FHAD1: variants seen among roughly 807,000 people sequenced by gnomAD.
FHAD1 encodes forkhead associated phosphopeptide binding domain 1, also known as forkhead-associated domain-containing protein 1.
In FHAD1, 146 loss-of-function variants were observed where a neutral mutation model predicts 191.3. The ratio of observed to expected loss-of-function variants is 0.76; its 90% CI spans 0.67 to 0.88. The LOEUF is 0.88. FHAD1 is among the 40% of genes least tolerant of loss of function. The pLI is 0.00. For missense variants in FHAD1, 1,635 were observed against 1,785.8 expected, an observed-to-expected ratio of 0.92 and a Z score of 1.52; for synonymous variants, 616 against 672.3, an observed-to-expected ratio of 0.92 and a Z score of 1.29.
chr1:15,324,696 C>A, intron 11 of FHAD1, 137 bp downstream of exon 11: 1 of 668,138 alleles, frequency 1.5e-6, no homozygotes, highest in Non-Finnish European at 2.7e-6. Flanking sequence ...ATCTCATGAG[C>A]AGAGGCTGTC....
At chr1:15,296,489 A>G (rs555573348) in intron 4 of FHAD1, 195 bp from the exon 5 acceptor site, 4 of 574,468 alleles carry the variant, frequency 7.0e-6, no homozygotes, top group Admixed American at 6.7e-5. Context: ...TTCTGACTGC[A>G]TGATCCGCCT....
rs1204261575 is a variant in FHAD1 at position 15,382,017 on chromosome 1, T to C, written c.4023-11T>C. The C allele has an allele frequency of 6.4e-7, 1 of 1,551,754 alleles. No homozygotes were observed. Among genetic ancestry groups the C allele is most frequent in the Non-Finnish European group, 8.7e-7 (1 of 1,146,980 alleles). ...AGGGAAAAACAGACGCCATCTCTCC[T>C]GTGCACCCAGGCGGAGCAAAGTGTC... On this transcript the variant is annotated splice_polypyrimidine_tract_variant and intron_variant, in intron 30 of 33. Coordinates refer to ENST00000688493, the MANE Select transcript of FHAD1 (RefSeq NM_001391957.1).
In FHAD1 at chr1:15,247,317, C is replaced by T. The variant is rs565560754; in HGVS notation, c.-93C>T. ...GCGGGAGCGCGGCCGGGAGGCTTCG[C>T]CCCGGAGCTGGCCCGACGCCTCCCG... On this transcript the variant is annotated 5_prime_UTR_variant, in exon 1 of 34. Coordinates refer to ENST00000688493, the MANE Select transcript of FHAD1 (RefSeq NM_001391957.1). 1.9e-4 allele frequency: 42 copies of T among 221,544 alleles called. No homozygotes were observed. Among genetic ancestry groups the T allele is most frequent in the Admixed American group, 1.4e-3 (24 of 17,758 alleles). The allele number at this position is 221,544 out of a possible 1,614,324, so 13.7% of individuals were successfully genotyped here.
intron 15 of FHAD1, among the ~76,000 whole-genome samples, chr1:15,339,992 A>G (rs996156460): frequency 2.0e-5 from 3 of 152,044 alleles, no homozygotes; most frequent in Non-Finnish European, 2.9e-5. Flanking sequence ...TGTGTTGCTA[A>G]TTTTTGTATT....
chr1:15,330,903 G>A (rs934600515), intron 14 of FHAD1, among the ~76,000 whole-genome samples: 3 of 152,176 alleles, frequency 2.0e-5, no homozygotes, highest in African/African-American at 4.8e-5. Context: ...CAACGTCCTG[G>A]AGGGTGGGCA....
chr1:15,383,647 C>A, intron 31 of FHAD1: 1 of 302,422 alleles, frequency 3.3e-6, no homozygotes, highest in East Asian at 8.1e-5. Flanking sequence ...GGAGCAGATC[C>A]CAAGGCTGGG....
intron 20 of FHAD1, among the ~76,000 whole-genome samples, chr1:15,355,349 G>A (rs1201035240): frequency 2.6e-5 from 4 of 152,174 alleles, no homozygotes; most frequent in Admixed American, 2.0e-4. Context: ...AGTACAGTCA[G>A]GCAGAGAGTT....
chr1:15,341,304 A>G (rs952104724), intron 15 of FHAD1, among the ~76,000 whole-genome samples: 2 of 152,228 alleles, frequency 1.3e-5, no homozygotes, highest in African/African-American at 4.8e-5. Flanking sequence ...TTTTTCAGAT[A>G]AGGACAATTT....
chr1:15,390,106 G>A (rs997040675), intron 32 of FHAD1, among the ~76,000 whole-genome samples: 1 of 152,112 alleles, frequency 6.6e-6, no homozygotes, highest in African/African-American at 2.4e-5. Flanking sequence ...AGCACTTTGG[G>A]AGGACGAGGC....
chr1:15,373,981 C>G (rs1200455672), intron 26 of FHAD1, among the ~76,000 whole-genome samples: 1 of 152,230 alleles, frequency 6.6e-6, no homozygotes, highest in Non-Finnish European at 1.5e-5. Flanking sequence ...AAAACATTCC[C>G]TTCACCACAG....
intron 23 of FHAD1, among the ~76,000 whole-genome samples, chr1:15,364,992 T>C (rs1387118439): frequency 6.6e-6 from 1 of 152,176 alleles, no homozygotes; most frequent in East Asian, 1.9e-4. Flanking sequence ...ACCATCACTG[T>C]CCCCCTGTTG....
At chr1:15,249,378 G>A (rs914684021) in intron 1 of FHAD1, among the ~76,000 whole-genome samples, 1 of 152,046 alleles carries the variant, frequency 6.6e-6, no homozygotes, top group Admixed American at 6.5e-5. Flanking sequence ...GACATTTCTC[G>A]AAAGTTGACT....
intron 16 of FHAD1, among the ~76,000 whole-genome samples, chr1:15,344,145 G>A (rs1056644397): frequency 3.9e-5 from 6 of 152,128 alleles, no homozygotes; most frequent in African/African-American, 4.8e-5. Context: ...TCTGATACTC[G>A]GATTGATGGA....
chr1:15,287,121 G>C (rs1232217964), intron 3 of FHAD1: 1 of 152,448 alleles, frequency 6.6e-6, no homozygotes, highest in East Asian at 1.9e-4. Context: ...CAGGGGCACA[G>C]TGGCTCAGCT....
In FHAD1 at chr1:15,366,203, T is replaced by C. The variant is rs185175265; in HGVS notation, c.3154+270T>C. 5.1e-4 allele frequency among the ~76,000 whole-genome samples: 73 copies of C among 142,732 alleles called. 1 individual carries two copies. The East Asian group carries it at 7.8e-3, about 15-fold the overall frequency. The allele number at this position is 142,732 out of a possible 152,430, so 93.6% of individuals were successfully genotyped here. A position where few individuals can be genotyped will look rare whatever the true frequency, so the allele number is the denominator to read the frequency against. ...CAGGAGGCTGAGGCAGAGGATTGCT[T>C]GAACCCAGGAGGTGGAGGTTGCAGT... On this transcript the variant is annotated intron_variant, in intron 24 of 33. Transcript: ENST00000688493.
At chr1:15,387,974 A>T (rs1287376929) in intron 31 of FHAD1, 77 bp from the exon 32 acceptor site, 1 of 725,672 alleles carries the variant, frequency 1.4e-6, no homozygotes, top group African/African-American at 1.8e-5. Flanking sequence ...GAAACCTCAG[A>T]GGCCTGTCCC....
intron 15 of FHAD1, among the ~76,000 whole-genome samples, chr1:15,341,420 C>T (rs1320815943): frequency 6.6e-6 from 1 of 152,208 alleles, no homozygotes; most frequent in Non-Finnish European, 1.5e-5. Context: ...TTACTGAACA[C>T]CTACTATGTG....
intron 33 of FHAD1, among the ~76,000 whole-genome samples, chr1:15,394,085 AAGGGTG>A (rs897109345): frequency 1.3e-5 from 2 of 152,104 alleles, no homozygotes; most frequent in African/African-American, 4.8e-5. Context: ...TTTTCATTCT[AAGGGTG>A]AGGCACGTGG....
intron 3 of FHAD1, among the ~76,000 whole-genome samples, chr1:15,284,639 T>C (rs1278915506): frequency 1.3e-5 from 2 of 152,138 alleles, no homozygotes; most frequent in Admixed American, 1.3e-4. Context: ...AGGGTGTCCT[T>C]CTCACCCTGA....
Sources: gnomAD v4.1 joint callset for allele counts (sites outside exome capture counted in the v4.1 genomes callset) on GRCh38, gnomAD v4.1.1 for gene constraint, MANE v1.5 for transcripts, NCBI Gene and HGNC (gene_info 2026-07-23, HGNC 2026-07-21) for gene names.